Variants in DDAH1 observed in about 807,000 individuals in gnomAD.
DDAH1 encodes dimethylarginine dimethylaminohydrolase 1, also known as N(G),N(G)-dimethylarginine dimethylaminohydrolase 1.
Under a neutral mutation model 28.8 loss-of-function variants are expected in DDAH1, and 19 were observed. The ratio of observed to expected loss-of-function variants is 0.66; its 90% CI spans 0.46 to 0.97. DDAH1 has a LOEUF of 0.97. Among genes scored for constraint, DDAH1 ranks in the 50% least tolerant of loss-of-function variants. DDAH1 has a pLI of 0.00. For missense variants in DDAH1, 326 were observed against 375.9 expected (o/e 0.87, Z 1.10); for synonymous variants, 153 against 154.4 (o/e 0.99, Z 0.07).
intron 2 of DDAH1, among the ~76,000 whole-genome samples, chr1:85,483,229 A>G (rs1248690669): frequency 1.3e-5 from 2 of 150,064 alleles, no homozygotes; most frequent in Admixed American, 1.3e-4. Context: ...AAAAAAAAAA[A>G]GAATTCTCTT....
chr1:85,402,126 C>T (rs1193238591), intron 1 of DDAH1, among the ~76,000 whole-genome samples: 2 of 151,380 alleles, frequency 1.3e-5, no homozygotes, highest in African/African-American at 4.8e-5. Context: ...GCTAAGACTA[C>T]AGGTACGCAA....
chr1:85,500,524 A>G (rs920937698), intron 1 of DDAH1, among the ~76,000 whole-genome samples: 1 of 152,122 alleles, frequency 6.6e-6, no homozygotes, highest in African/African-American at 2.4e-5. Context: ...AAACTTGGTT[A>G]TAATGTACCC....
At chr1:85,576,621 T>C in intron 1 of DDAH1, 1 of 152,276 alleles carries the variant, frequency 6.6e-6, no homozygotes, top group Non-Finnish European at 1.5e-5. Flanking sequence ...CACACACACA[T>C]ACACACACAG....
At chr1:85,452,733 T>G (rs1019344844) in intron 1 of DDAH1, among the ~76,000 whole-genome samples, 1 of 152,092 alleles carries the variant, frequency 6.6e-6, no homozygotes, top group African/African-American at 2.4e-5. Context: ...CCTCCACAGA[T>G]AGCACCATAA....
chr1:85,513,365 G>T (rs1657318214), intron 1 of DDAH1, among the ~76,000 whole-genome samples: 1 of 152,156 alleles, frequency 6.6e-6, no homozygotes. Flanking sequence ...ATGGATTAAA[G>T]ACTTAAATGT....
chr1:85,500,891 T>C (rs1276299951), intron 1 of DDAH1, among the ~76,000 whole-genome samples: 1 of 152,250 alleles, frequency 6.6e-6, no homozygotes, highest in African/African-American at 2.4e-5. Flanking sequence ...TTTTAGGTGT[T>C]ACATTTTTCA....
intron 1 of DDAH1, among the ~76,000 whole-genome samples, chr1:85,549,573 T>C (rs1271042475): frequency 6.6e-6 from 1 of 152,220 alleles, no homozygotes; most frequent in Non-Finnish European, 1.5e-5. Flanking sequence ...GCTGTTATCT[T>C]TTCTCCTGCT....
intron 1 of DDAH1, among the ~76,000 whole-genome samples, chr1:85,551,559 T>C (rs578008865): frequency 1.3e-5 from 2 of 152,328 alleles, no homozygotes; most frequent in Non-Finnish European, 2.9e-5. Context: ...TTGTAACATT[T>C]ACTGATCACC....
chr1:85,521,311 G>A (rs1410598098), intron 1 of DDAH1, among the ~76,000 whole-genome samples: 3 of 151,558 alleles, frequency 2.0e-5, no homozygotes, highest in African/African-American at 7.3e-5. Context: ...GTTCATCACC[G>A]GGTCCCACTG....
At chr1:85,437,629 T>C (rs906390734) in intron 1 of DDAH1, among the ~76,000 whole-genome samples, 1 of 152,364 alleles carries the variant, frequency 6.6e-6, no homozygotes, top group Middle Eastern at 3.4e-3. Flanking sequence ...ATGCACTTTA[T>C]GTTATTGGTA....
upstream of DDAH1, chr1:85,467,586 T>C (rs543002748): frequency 1.2e-4 from 19 of 152,352 alleles, no homozygotes; most frequent in African/African-American, 4.1e-4. Flanking sequence ...ATGCCTTCTA[T>C]TTTCTCTAAG....
intron 1 of DDAH1, among the ~76,000 whole-genome samples, chr1:85,366,786 C>T (rs1484359213): frequency 6.6e-6 from 1 of 152,122 alleles, no homozygotes; most frequent in Non-Finnish European, 1.5e-5. Flanking sequence ...CAGAGGCAAA[C>T]AGAAGATTCC....
chr1:85,358,761 A>G lies in DDAH1; in HGVS notation c.390T>C (p.Asp130=), dbSNP rs751519964. The G allele has an allele frequency of 1.2e-6, 2 of 1,607,040 alleles. No individual in the cohort carries two copies. The highest frequency in any genetic ancestry group is 1.7e-6 in the Non-Finnish European group (2 of 1,175,244). ...KDENATLDGG[D]VLFTGREFFV... ...ATACAACTATACCTGTGAATAAAACATCTCCGCCATCTAAAGTTGCATTTT... is the reference window on the plus strand; with the variant it reads ...ATACAACTATACCTGTGAATAAAACGTCTCCGCCATCTAAAGTTGCATTTT... Residue 130 remains aspartate (D), a synonymous_variant, in exon 2 of 6, where the codon GAT becomes GAC. Transcript: ENST00000284031.
At chr1:85,434,964 T>C (rs1277292245) in intron 1 of DDAH1, among the ~76,000 whole-genome samples, 3 of 152,114 alleles carry the variant, frequency 2.0e-5, no homozygotes, top group Non-Finnish European at 2.9e-5. Context: ...AAGTAATGAT[T>C]ACCCAGATTA....
intron 1 of DDAH1, among the ~76,000 whole-genome samples, chr1:85,577,370 G>A (rs1023118163): frequency 6.6e-6 from 1 of 152,210 alleles, no homozygotes; most frequent in Non-Finnish European, 1.5e-5. Flanking sequence ...TGGTACGGGG[G>A]CGCCACCTTA....
At chr1:85,533,290 C>T (rs1658155679) in intron 1 of DDAH1, among the ~76,000 whole-genome samples, 1 of 152,084 alleles carries the variant, frequency 6.6e-6, no homozygotes, top group Admixed American at 6.6e-5. Flanking sequence ...TATTAAAAGG[C>T]TTTAAGAGAA....
chr1:85,442,079 G>T (rs1435056552), intron 1 of DDAH1, among the ~76,000 whole-genome samples: 6 of 151,774 alleles, frequency 4.0e-5, no homozygotes, highest in Non-Finnish European at 8.8e-5. Context: ...TGCACAACAT[G>T]CAGGTTTGTT....
At chr1:85,358,018 C>T (rs1649578880) in intron 2 of DDAH1, among the ~76,000 whole-genome samples, 1 of 152,170 alleles carries the variant, frequency 6.6e-6, no homozygotes, top group Non-Finnish European at 1.5e-5. Context: ...TTAAATCCAC[C>T]TTGCCATCTG....
chr1:85,573,428 C>A (rs1437051215), intron 1 of DDAH1, among the ~76,000 whole-genome samples: 1 of 152,228 alleles, frequency 6.6e-6, no homozygotes, highest in Non-Finnish European at 1.5e-5. Context: ...TATTATATTT[C>A]ATATTGCTCA....
Sources: gnomAD v4.1 joint callset for allele counts (sites outside exome capture counted in the v4.1 genomes callset) on GRCh38, gnomAD v4.1.1 for gene constraint, MANE v1.5 for transcripts, NCBI Gene and HGNC (gene_info 2026-07-23, HGNC 2026-07-21) for gene names.